Variants in PDLIM7 observed in about 807,000 individuals in gnomAD.
PDLIM7 encodes PDZ and LIM domain protein 7.
In PDLIM7, 37 loss-of-function variants were observed where a neutral mutation model predicts 53.9. That is an observed-to-expected ratio of 0.69 (90% CI 0.53 to 0.90). PDLIM7 has a LOEUF of 0.90. PDLIM7 is among the 40% of genes least tolerant of loss of function. PDLIM7 has a pLI of 0.00. For synonymous variants in PDLIM7, 300 were observed against 261.3 expected, an observed-to-expected ratio of 1.15 and a Z score of -1.43; for missense variants, 617 against 638.5, an observed-to-expected ratio of 0.97 and a Z score of 0.36.
chr5:177,488,906 G>A (rs1304928876), intron 9 of PDLIM7, among the ~76,000 whole-genome samples: 3 of 149,880 alleles, frequency 2.0e-5, no homozygotes, highest in African/African-American at 4.9e-5. Context: ...AAAAAAAAAA[G>A]AGCTGACAGA....
Position 177,483,425 on chromosome 5 carries a change from G to C in PDLIM7, c.*219C>G. 1.9e-6 allele frequency: 1 copy of C among 527,900 alleles called. No homozygotes were observed. The highest frequency in any genetic ancestry group is 3.4e-6 in the Non-Finnish European group (1 of 296,724). The allele number at this position is 527,900 out of a possible 1,614,324, so 32.7% of individuals were successfully genotyped here. A position where few individuals can be genotyped will look rare whatever the true frequency, so the allele number is the denominator to read the frequency against. On this transcript the variant is annotated 3_prime_UTR_variant, in exon 13 of 13. Coordinates refer to ENST00000355841, the MANE Select transcript of PDLIM7 (RefSeq NM_005451.5). ...TGGGTACAGGTTTATTGTGGCACTGGAGGTGAAAGGGGGCTGGTGTGGCCA... is the reference window on the plus strand; with the variant it reads ...TGGGTACAGGTTTATTGTGGCACTGCAGGTGAAAGGGGGCTGGTGTGGCCA...
intron 7 of PDLIM7, 186 bp from the exon 8 acceptor site, chr5:177,490,018 T>A (rs1311399781): frequency 6.5e-7 from 1 of 1,534,404 alleles, no homozygotes; most frequent in East Asian, 2.4e-5. Context: ...AGTTAGCTGG[T>A]GTGCGGTCTC....
chr5:177,488,154 C>T lies in PDLIM7; in HGVS notation c.964G>A (p.Glu322Lys), dbSNP rs747038098. Residue 322 changes from glutamate to lysine, a missense_variant, in exon 10 of 13, where the codon GAG (glutamate) becomes AAG (lysine). Physicochemically the swap from Glu to Lys is moderately conservative, Grantham distance 56 (BLOSUM62 1). Coordinates refer to ENST00000355841, the MANE Select transcript of PDLIM7 (RefSeq NM_005451.5). ...GKVLEEGGFF[E>K]EKGAIFCPPC... Reference sequence around the variant, plus strand: ...GGGCAGAAGATGGCGCCCTTCTCCTCAAAGAAGCCACCCTCTTCCAGGACC... The same window carrying T: ...GGGCAGAAGATGGCGCCCTTCTCCTTAAAGAAGCCACCCTCTTCCAGGACC... 6.2e-7 allele frequency: 1 copy of T among 1,613,472 alleles called. No homozygotes were observed. Among genetic ancestry groups the T allele is most frequent in the Non-Finnish European group, 8.5e-7 (1 of 1,179,976 alleles).
At chr5:177,494,040 G>A (rs1178942870) in intron 2 of PDLIM7, among the ~76,000 whole-genome samples, 1 of 152,218 alleles carries the variant, frequency 6.6e-6, no homozygotes, top group African/African-American at 2.4e-5. Flanking sequence ...AGAAGGCTAA[G>A]AGAGCTCGGC....
intron 10 of PDLIM7, 95 bp from the exon 11 acceptor site, chr5:177,484,285 C>T (rs766757426): frequency 2.7e-5 from 40 of 1,481,896 alleles, no homozygotes; most frequent in Non-Finnish European, 3.5e-5. Flanking sequence ...AGCCCTGTTC[C>T]TTCTCGCGGT....
At position 177,491,818 on chromosome 5, in the gene PDLIM7, C is replaced by A; in HGVS notation, c.387G>T (p.Pro129=). The change falls in exon 5 of 13, where the codon CCG becomes CCT. Residue 129 remains proline (P), a synonymous_variant. Coordinates refer to ENST00000355841, the MANE Select transcript of PDLIM7 (RefSeq NM_005451.5). ...AGGGGCCGACGTACCCATTCTGCTG[C>A]GGGGCGCTGTCAGCGGGCGGGGGCG... ...FGAPPPADSA[P]QQNGQPLRPL... 7.8e-7 allele frequency: 1 copy of A among 1,281,770 alleles called. No individual in the cohort carries two copies. Among genetic ancestry groups the A allele is most frequent in the Non-Finnish European group, 9.9e-7 (1 of 1,008,700 alleles). The allele number at this position is 1,281,770 out of a possible 1,614,324, so 79.4% of individuals were successfully genotyped here. A position where few individuals can be genotyped will look rare whatever the true frequency, so the allele number is the denominator to read the frequency against.
chr5:177,485,245 TG>T (rs1758379634), intron 10 of PDLIM7, among the ~76,000 whole-genome samples: 1 of 152,232 alleles, frequency 6.6e-6, no homozygotes, highest in African/African-American at 2.4e-5. Flanking sequence ...CCACAGTGCC[TG>T]GCCCTTTGTG....
intron 10 of PDLIM7, among the ~76,000 whole-genome samples, chr5:177,486,419 A>G (rs1434360707): frequency 6.6e-6 from 1 of 152,116 alleles, no homozygotes; most frequent in Non-Finnish European, 1.5e-5. Flanking sequence ...AGTGAGGCCC[A>G]GAGAGAGCAA....
chr5:177,490,464 G>A lies in PDLIM7; in HGVS notation c.572+406C>T, dbSNP rs542825451. 17 of 1,542,344 alleles carry A rather than the reference G, an allele frequency of 1.1e-5. No homozygotes were observed. In the East Asian group the frequency reaches 3.2e-4, roughly 29 times the overall value. The stretch of plus-strand genomic sequence containing the variant: ...TGGGCAGGAGGAACAGAAAGAGGGA[G>A]GCAGAGAGGGCAGCCGGCTGGAGAG... On this transcript the variant is annotated intron_variant, in intron 7 of 12. Transcript: ENST00000355841.
intron 2 of PDLIM7, 47 bp downstream of exon 2, chr5:177,496,370 G>T (rs1217107396): frequency 2.1e-6 from 3 of 1,402,234 alleles, no homozygotes; most frequent in South Asian, 1.4e-5. Flanking sequence ...GGAGACCTAA[G>T]CACCGAAAGA....
intron 5 of PDLIM7, 175 bp from the exon 6 acceptor site, chr5:177,491,321 G>A: frequency 4.0e-6 from 6 of 1,506,556 alleles, no homozygotes; most frequent in Non-Finnish European, 5.4e-6. Flanking sequence ...AAGTGGAGAG[G>A]AGGGCAGCCA....
At position 177,483,411 on chromosome 5, in the gene PDLIM7, T is replaced by G; in HGVS notation, c.*233A>C. ...ACACAAGACACAGCTGGGTACAGGTTTATTGTGGCACTGGAGGTGAAAGGG... is the reference window on the plus strand; with the variant it reads ...ACACAAGACACAGCTGGGTACAGGTGTATTGTGGCACTGGAGGTGAAAGGG... On this transcript the variant is annotated 3_prime_UTR_variant, in exon 13 of 13. Coordinates refer to ENST00000355841, the MANE Select transcript of PDLIM7 (RefSeq NM_005451.5). 2.0e-6 allele frequency: 1 copy of G among 501,926 alleles called. No homozygotes were observed. The allele number at this position is 501,926 out of a possible 1,614,324, so 31.1% of individuals were successfully genotyped here. A position where few individuals can be genotyped will look rare whatever the true frequency, so the allele number is the denominator to read the frequency against.
Position 177,489,832 on chromosome 5 carries a change from G to T in PDLIM7, c.573C>A (p.Ser191Arg), listed in dbSNP as rs1212117857. The T allele has an allele frequency of 1.9e-6, 3 of 1,585,426 alleles. No individual in the cohort carries two copies. In the African/African-American group the frequency reaches 4.0e-5, roughly 21 times the overall value. Residue 191 changes from serine to arginine, a missense_variant and splice_region_variant, in exon 8 of 13, where the codon AGC becomes AGA. Ser to Arg is a moderately radical substitution (Grantham distance 110, BLOSUM62 -1). Transcript: ENST00000355841. Reference protein sequence around the residue: ...DPDEEHLKKSSQVPRTEAPAP... With the variant: ...DPDEEHLKKSRQVPRTEAPAP... ...CTGGGGCTTCTGTCCTGGGCACCTG[G>T]CTGCAAGATCTGCCATTCAAGGCCC... is the stretch of plus-strand genomic sequence containing the variant.
In PDLIM7 at chr5:177,496,655, T is replaced by C. The variant is rs1561707843; in HGVS notation, c.-11-132A>G. 4 of 511,340 alleles carry C rather than the reference T, an allele frequency of 7.8e-6. No homozygotes were observed. In the South Asian group the frequency reaches 1.2e-4, roughly 15 times the overall value. 31.7% of individuals were successfully genotyped at this position (511,340 alleles called of 1,614,324 possible). On this transcript the variant is annotated intron_variant, in intron 1 of 12. Coordinates refer to ENST00000355841, the MANE Select transcript of PDLIM7 (RefSeq NM_005451.5). The stretch of plus-strand genomic sequence containing the variant: ...GCAGCCCCTGAGCACGCCCAAGCCA[T>C]AGGAGGCAGGTATTTTGTCAGGCTG...
intron 3 of PDLIM7, 31 bp from the exon 4 acceptor site, chr5:177,492,466 C>A (rs926262953): frequency 2.3e-5 from 37 of 1,613,494 alleles, no homozygotes; most frequent in Non-Finnish European, 2.9e-5. Context: ...GACAGCGGGC[C>A]GGGCCCGCAG....
chr5:177,494,301 G>T (rs1156601579), intron 2 of PDLIM7, among the ~76,000 whole-genome samples: 4 of 152,326 alleles, frequency 2.6e-5, no homozygotes, highest in East Asian at 1.9e-4. Flanking sequence ...TGAGCATGGG[G>T]GCCCAACTGA....
intron 7 of PDLIM7, 107 bp downstream of exon 7, chr5:177,490,763 A>AAGGG (rs532066594): frequency 0.033 from 20,953 of 627,904 alleles, 1,643 homozygotes; most frequent in Middle Eastern, 0.063. Context: ...GGAAGGAAGG[A>AAGGG]AGGGAGAATT....
intron 2 of PDLIM7, among the ~76,000 whole-genome samples, chr5:177,493,300 G>C (rs1406449362): frequency 6.6e-6 from 1 of 152,212 alleles, no homozygotes; most frequent in Non-Finnish European, 1.5e-5. Flanking sequence ...TAAGTTGACA[G>C]CTGGGACTTC....
In PDLIM7 at chr5:177,483,929, C is replaced by T. The variant is rs777967963; in HGVS notation, c.1225G>A (p.Ala409Thr). The change falls in exon 12 of 13, where the codon GCT (alanine) becomes ACT (threonine). Residue 409 changes from alanine to threonine, a missense_variant. Physicochemically the swap from Ala to Thr is moderately conservative, Grantham distance 58. Coordinates refer to ENST00000355841, the MANE Select transcript of PDLIM7 (RefSeq NM_005451.5). Reference sequence around the variant, plus strand: ...AGGGCCTCCAGGAAGCGGTCCCCAGCGTCGATCTTGAAGTCACAGCCATGG... The same window carrying T: ...AGGGCCTCCAGGAAGCGGTCCCCAGTGTCGATCTTGAAGTCACAGCCATGG... The part of the protein sequence containing the change: ...KCHGCDFKID[A>T]GDRFLEALGF... 1.1e-5 allele frequency: 18 copies of T among 1,613,796 alleles called. No homozygotes were observed. Among genetic ancestry groups the T allele is most frequent in the Middle Eastern group, 1.6e-4 (1 of 6,084 alleles).
Sources: gnomAD v4.1 joint callset for allele counts (sites outside exome capture counted in the v4.1 genomes callset) on GRCh38, gnomAD v4.1.1 for gene constraint, MANE v1.5 for transcripts, NCBI Gene and HGNC (gene_info 2026-07-23, HGNC 2026-07-21) for gene names.